Variants in ROPN1L observed in about 807,000 individuals in gnomAD.
The protein encoded by ROPN1L is rhophilin associated tail protein 1 like.
Under a neutral mutation model 22.7 loss-of-function variants are expected in ROPN1L, and 23 were observed. The ratio of observed to expected loss-of-function variants is 1.01; its 90% CI spans 0.73 to 1.43. The LOEUF is 1.43. ROPN1L is among the 40% of genes most tolerant of loss of function. The pLI is 0.00. For synonymous variants in ROPN1L, 116 were observed against 117.8 expected (o/e 0.98, Z 0.10); for missense variants, 271 against 291.5 (o/e 0.93, Z 0.51).
At chr5:10,444,297 T>C (rs1009288111) in intron 1 of ROPN1L, among the ~76,000 whole-genome samples, 15 of 152,162 alleles carry the variant, frequency 9.9e-5, no homozygotes, top group African/African-American at 2.4e-5. Context: ...TTTATTTATT[T>C]ATTTATTTTT....
chr5:10,481,169 A>G, the ROPN1L span, among the ~76,000 whole-genome samples: 1 of 152,212 alleles, frequency 6.6e-6, no homozygotes, highest in South Asian at 2.1e-4. Flanking sequence ...TACTCACAGC[A>G]CAGCAAGCAG....
Position 10,448,353 on chromosome 5 carries a change from T to C in ROPN1L, c.225T>C (p.Thr75=), listed in dbSNP as rs757112463. ...CCCAGAAAACAGACACAGGCCTGAC[T>C]CAAGGACTCCTGAAAGTTTTGCACA... ...TATQKTDTGL[T]QGLLKVLHKQ... The change falls in exon 2 of 5, where the codon ACT becomes ACC. Residue 75 remains threonine, a synonymous_variant. Transcript: ENST00000274134. 1 of 1,614,200 alleles carries C rather than the reference T, an allele frequency of 6.2e-7. No homozygotes were observed. Among genetic ancestry groups the C allele is most frequent in the Non-Finnish European group, 8.5e-7 (1 of 1,180,030 alleles).
intron 4 of ROPN1L, among the ~76,000 whole-genome samples, chr5:10,462,709 T>C (rs1400849944): frequency 6.6e-6 from 1 of 151,924 alleles, no homozygotes; most frequent in Non-Finnish European, 1.5e-5. Context: ...GCCTGGCCAA[T>C]ATGGCAAAAC....
downstream of ROPN1L, among the ~76,000 whole-genome samples, chr5:10,476,515 T>A (rs1252680953): frequency 6.6e-6 from 1 of 152,162 alleles, no homozygotes; most frequent in African/African-American, 2.4e-5. Flanking sequence ...CAAATTACAA[T>A]CCATCTGGGA....
At chr5:10,462,216 C>T (rs1735045646) in intron 4 of ROPN1L, among the ~76,000 whole-genome samples, 1 of 152,246 alleles carries the variant, frequency 6.6e-6, no homozygotes, top group Non-Finnish European at 1.5e-5. Flanking sequence ...AAAGAAAGAA[C>T]TCACTTTGGA....
At chr5:10,462,286 A>G (rs1455475472) in intron 4 of ROPN1L, among the ~76,000 whole-genome samples, 6 of 152,256 alleles carry the variant, frequency 3.9e-5, no homozygotes, top group Admixed American at 3.9e-4. Flanking sequence ...TATATATTTC[A>G]CAATATCACA....
chr5:10,461,388 G>A (rs1735027117), intron 4 of ROPN1L, 29 bp downstream of exon 4: 1 of 1,589,376 alleles, frequency 6.3e-7, no homozygotes, highest in African/African-American at 1.3e-5. Context: ...TAGGATTCAG[G>A]TATGTTGACC....
Position 10,461,262 on chromosome 5 carries a change from A to G in ROPN1L, c.496A>G (p.Lys166Glu), listed in dbSNP as rs924000792. ...GGGCGGGCCCGCTCGCATCCCCTTC[A>G]AGACGTTTTCCTACGTTTACCGCTA... ...PEGGPARIPFKTFSYVYRYLA... is the reference protein window; with the variant it reads ...PEGGPARIPFETFSYVYRYLA... The change falls in exon 4 of 5, where the codon AAG becomes GAG. Residue 166 changes from lysine (K) to glutamate (E), a missense_variant. Lys to Glu is a moderately conservative substitution (Grantham distance 56). Transcript: ENST00000274134. The G allele has an allele frequency of 2.7e-5, 43 of 1,613,980 alleles. No individual in the cohort carries two copies. Among genetic ancestry groups the G allele is most frequent in the Non-Finnish European group, 3.3e-5 (39 of 1,180,026 alleles).
chr5:10,472,216 C>G (rs1424481375), downstream of ROPN1L, among the ~76,000 whole-genome samples: 1 of 150,946 alleles, frequency 6.6e-6, no homozygotes, highest in Non-Finnish European at 1.5e-5. Context: ...ATTAAGTCCA[C>G]CCATCAACCG....
At chr5:10,460,645 T>A (rs919906857) in intron 3 of ROPN1L, among the ~76,000 whole-genome samples, 10 of 152,216 alleles carry the variant, frequency 6.6e-5, no homozygotes, top group African/African-American at 2.4e-4. Flanking sequence ...CCCAGAGCCT[T>A]CTGTGTGAAC....
chr5:10,461,123 T>G, intron 3 of ROPN1L, 61 bp from the exon 4 acceptor site: 1 of 1,492,296 alleles, frequency 6.7e-7, no homozygotes, highest in African/African-American at 1.4e-5. Context: ...GATGCCTGCT[T>G]TCAATGTGAG....
the ROPN1L span, among the ~76,000 whole-genome samples, chr5:10,477,350 C>T: frequency 2.4e-4 from 36 of 152,270 alleles, no homozygotes; most frequent in East Asian, 3.7e-3. Context: ...CTTGCTAGTC[C>T]ACAGACTTGC....
chr5:10,474,438 C>T (rs1735292426), downstream of ROPN1L, among the ~76,000 whole-genome samples: 1 of 152,198 alleles, frequency 6.6e-6, no homozygotes, highest in East Asian at 1.9e-4. Context: ...CATAAGCTGT[C>T]ACTGCGAGGG....
intron 3 of ROPN1L, among the ~76,000 whole-genome samples, chr5:10,458,321 G>C (rs1734891982): frequency 6.6e-6 from 1 of 151,802 alleles, no homozygotes; most frequent in Non-Finnish European, 1.5e-5. Flanking sequence ...CATCTCCCCA[G>C]CTCTTGGTGG....
At chr5:10,465,961 C>G (rs2648810), downstream of ROPN1L, among the ~76,000 whole-genome samples, 32,343 of 152,144 alleles carry the variant, frequency 0.21, 4,656 homozygotes, top group East Asian at 0.66. Context: ...GCTGAGGCTG[C>G]ATCTTTTCTA....
intron 2 of ROPN1L, among the ~76,000 whole-genome samples, chr5:10,448,734 G>C (rs905543783): frequency 6.6e-6 from 1 of 152,230 alleles, no homozygotes; most frequent in African/African-American, 2.4e-5. Flanking sequence ...CCGTTCTCCA[G>C]GTGTGTGTTT....
chr5:10,470,823 A>G (rs528371291), intron 4 of ROPN1L, among the ~76,000 whole-genome samples: 1 of 152,350 alleles, frequency 6.6e-6, no homozygotes, highest in Non-Finnish European at 1.5e-5. Context: ...TTGGGTTGGG[A>G]TAATATTCGG....
Position 10,464,962 on chromosome 5 carries a change from C to CT in ROPN1L, c.*15_*16insT, listed in dbSNP as rs1735127180. 2 of 1,444,658 alleles carry CT rather than the reference C, an allele frequency of 1.4e-6. No homozygotes were observed. The highest frequency in any genetic ancestry group is 2.0e-5 in the Admixed American group (1 of 49,188). 89.5% of individuals were successfully genotyped at this position (1,444,658 alleles called of 1,614,324 possible). On this transcript the variant is annotated 3_prime_UTR_variant, in exon 5 of 5. Coordinates refer to ENST00000274134, the MANE Select transcript of ROPN1L (RefSeq NM_031916.5). ...TAGGCCATTAATACAGAGAAGAATA[C>CT]ATTTTAATGTCAAAATAGTGCTCTT...
downstream of ROPN1L, among the ~76,000 whole-genome samples, chr5:10,475,883 C>A (rs565584293): frequency 6.6e-6 from 1 of 152,346 alleles, no homozygotes; most frequent in South Asian, 2.1e-4. Context: ...TACCAGTCCT[C>A]AGATGAAGGG....
Sources: allele counts gnomAD v4.1 joint callset (sites outside exome capture counted in the v4.1 genomes callset), GRCh38; gene constraint gnomAD v4.1.1; transcripts MANE v1.5; gene names NCBI Gene and HGNC (gene_info 2026-07-23, HGNC 2026-07-21).